Variants in SEMA3A observed in about 807,000 individuals in gnomAD.
SEMA3A encodes semaphorin 3A, also known as semaphorin-3A.
SEMA3A carries 29 observed loss-of-function variants against 97.9 expected under a neutral mutation model. The observed-to-expected ratio is 0.30, with a 90% CI of 0.22 to 0.40. SEMA3A has a LOEUF of 0.40. Ranked by LOEUF, SEMA3A falls within the 10% of genes least tolerant of loss-of-function variation. The probability of loss-of-function intolerance (pLI) is 1.00; values close to 1 mark genes in which losing one functional copy is unlikely to be tolerated. For missense variants in SEMA3A, 763 were observed against 951.3 expected, an observed-to-expected ratio of 0.80 and a Z score of 2.60; for synonymous variants, 321 against 323.7, an observed-to-expected ratio of 0.99 and a Z score of 0.09.
At chr7:84,158,615 C>T (rs971695681) in intron 1 of SEMA3A, among the ~76,000 whole-genome samples, 14 of 152,166 alleles carry the variant, frequency 9.2e-5, no homozygotes, top group Non-Finnish European at 1.8e-4. Context: ...CTCTTCCCAA[C>T]TAGATGATAA....
At chr7:84,351,042 C>T (rs935043928) in intron 2 of SEMA3A, among the ~76,000 whole-genome samples, 9 of 150,884 alleles carry the variant, frequency 6.0e-5, no homozygotes, top group African/African-American at 2.0e-4. Context: ...GGGAAACACA[C>T]ATGCATGCAG....
At chr7:84,322,153 T>C (rs938174944) in intron 2 of SEMA3A, among the ~76,000 whole-genome samples, 66 of 151,734 alleles carry the variant, frequency 4.3e-4, no homozygotes, top group Admixed American at 3.5e-3. Flanking sequence ...ACTCCCCCCA[T>C]GATTCCATTA....
intron 4 of SEMA3A, among the ~76,000 whole-genome samples, chr7:84,100,918 T>C (rs745413306): frequency 3.9e-5 from 6 of 152,154 alleles, no homozygotes; most frequent in Non-Finnish European, 8.8e-5. Context: ...TCATGACGCT[T>C]TTCTTTTTCA....
intron 2 of SEMA3A, among the ~76,000 whole-genome samples, chr7:84,316,587 G>A (rs765773572): frequency 6.6e-6 from 1 of 152,064 alleles, no homozygotes; most frequent in Non-Finnish European, 1.5e-5. Context: ...ATGCTTGGAA[G>A]CATTAAGAGA....
At chr7:84,327,214 A>G (rs989891836) in intron 2 of SEMA3A, among the ~76,000 whole-genome samples, 4 of 151,934 alleles carry the variant, frequency 2.6e-5, no homozygotes, top group African/African-American at 9.7e-5. Flanking sequence ...CCTATGAGAG[A>G]ATTCCAAAAG....
intron 2 of SEMA3A, among the ~76,000 whole-genome samples, chr7:84,326,477 A>T (rs1192521417): frequency 1.3e-5 from 2 of 152,110 alleles, no homozygotes; most frequent in Non-Finnish European, 2.9e-5. Flanking sequence ...TACAGAAAAG[A>T]TACAGAATGA....
At chr7:84,039,803 A>T (rs1355085410) in intron 6 of SEMA3A, among the ~76,000 whole-genome samples, 1 of 152,120 alleles carries the variant, frequency 6.6e-6, no homozygotes, top group African/African-American at 2.4e-5. Context: ...TTATTAAAAT[A>T]AATTTTAATT....
At chr7:83,985,819 G>C (rs1257435028) in intron 12 of SEMA3A, among the ~76,000 whole-genome samples, 1 of 152,140 alleles carries the variant, frequency 6.6e-6, no homozygotes, top group Non-Finnish European at 1.5e-5. Context: ...TAGGTGATTG[G>C]GGGAGGGTTC....
At chr7:84,122,673 C>T (rs887473529) in intron 3 of SEMA3A, among the ~76,000 whole-genome samples, 1 of 151,986 alleles carries the variant, frequency 6.6e-6, no homozygotes, top group Admixed American at 6.6e-5. Flanking sequence ...TCAAATTTGA[C>T]CTTTGAAAAA....
intron 3 of SEMA3A, among the ~76,000 whole-genome samples, chr7:84,298,179 C>T (rs1261684852): frequency 6.6e-6 from 1 of 152,100 alleles, no homozygotes; most frequent in Admixed American, 6.6e-5. Flanking sequence ...ATTATTTCTT[C>T]TGCCTATCAA....
intron 4 of SEMA3A, among the ~76,000 whole-genome samples, chr7:84,098,986 TAAC>T (rs1328170411): frequency 1.3e-5 from 2 of 151,312 alleles, no homozygotes; most frequent in African/African-American, 4.9e-5. Context: ...ATAAAAGTAA[TAAC>T]AACAATCGTG....
At chr7:84,059,114 T>C (rs1434836952) in intron 5 of SEMA3A, among the ~76,000 whole-genome samples, 1 of 152,184 alleles carries the variant, frequency 6.6e-6, no homozygotes. Context: ...ATACAAAATA[T>C]GACTCCTACC....
intron 1 of SEMA3A, among the ~76,000 whole-genome samples, chr7:84,136,636 T>A (rs1237914560): frequency 1.3e-5 from 2 of 152,130 alleles, no homozygotes; most frequent in Non-Finnish European, 2.9e-5. Flanking sequence ...ATAACCTGCA[T>A]CCCACTGTCA....
At chr7:84,309,749 G>T (rs1801267874) in intron 2 of SEMA3A, among the ~76,000 whole-genome samples, 1 of 152,106 alleles carries the variant, frequency 6.6e-6, no homozygotes, top group Non-Finnish European at 1.5e-5. Context: ...TTTTATCTGA[G>T]ACCTGAAGGA....
At chr7:84,018,689 C>A (rs1484727653) in intron 6 of SEMA3A, among the ~76,000 whole-genome samples, 1 of 152,074 alleles carries the variant, frequency 6.6e-6, no homozygotes, top group Non-Finnish European at 1.5e-5. Flanking sequence ...ATCACAGGAA[C>A]AACGGAGAAA....
intron 5 of SEMA3A, among the ~76,000 whole-genome samples, chr7:84,057,729 T>C (rs1207099565): frequency 1.3e-5 from 2 of 150,392 alleles, no homozygotes; most frequent in African/African-American, 2.5e-5. Flanking sequence ...GCCACTGCAC[T>C]CCAGCCTGGG....
At chr7:84,217,388 AG>A (rs1011117338) in intron 3 of SEMA3A, among the ~76,000 whole-genome samples, 5 of 152,222 alleles carry the variant, frequency 3.3e-5, no homozygotes, top group Non-Finnish European at 7.3e-5. Flanking sequence ...TATGGTTAAA[AG>A]GAAACAAAGT....
chr7:84,081,805 AT>A (rs1392615817), intron 4 of SEMA3A, among the ~76,000 whole-genome samples: 1 of 151,926 alleles, frequency 6.6e-6, no homozygotes, highest in African/African-American at 2.4e-5. Flanking sequence ...TTCTATATAT[AT>A]TTTATCTCAT....
chr7:84,428,687 T>C (rs2116312846), intron 1 of SEMA3A, among the ~76,000 whole-genome samples: 1 of 152,060 alleles, frequency 6.6e-6, no homozygotes, highest in East Asian at 1.9e-4. Flanking sequence ...AGTTTGACAA[T>C]GCAATTTTCT....
Sources: allele counts gnomAD v4.1 joint callset (sites outside exome capture counted in the v4.1 genomes callset), GRCh38; gene constraint gnomAD v4.1.1; transcripts MANE v1.5; gene names NCBI Gene and HGNC (gene_info 2026-07-23, HGNC 2026-07-21).